CR1: variants seen among roughly 807,000 people sequenced by gnomAD.
The protein encoded by CR1 is complement receptor type 1.
Under a neutral mutation model 187.3 loss-of-function variants are expected in CR1, and 116 were observed. The observed-to-expected ratio is 0.62, with a 90% CI of 0.53 to 0.72. The LOEUF (loss-of-function observed/expected upper bound fraction) is 0.72. Among genes scored for constraint, CR1 ranks in the 30% least tolerant of loss-of-function variants. The pLI, the probability that CR1 is intolerant of heterozygous loss-of-function variation, is 0.00. For synonymous variants in CR1, 576 were observed against 747.1 expected, an observed-to-expected ratio of 0.77 and a Z score of 3.73; for missense variants, 1,731 against 2,110.7, an observed-to-expected ratio of 0.82 and a Z score of 3.52.
intron 45 of CR1, among the ~76,000 whole-genome samples, chr1:207,627,303 C>G (rs1196906297): frequency 6.6e-6 from 1 of 152,114 alleles, no homozygotes; most frequent in Non-Finnish European, 1.5e-5. Context: ...TTCTCTCTCT[C>G]CCTCCATGAA....
intron 42 of CR1, among the ~76,000 whole-genome samples, chr1:207,619,051 A>AAAAAAAAAAGAAAAG (rs1553301635): frequency 2.0e-5 from 1 of 50,360 alleles, no homozygotes; most frequent in Admixed American, 2.7e-4. Flanking sequence ...AAAAAAAAAA[A>AAAAAAAAAAGAAAAG]AAAAGAAAAG....
At chr1:207,627,796 T>C (rs987294003) in intron 45 of CR1, among the ~76,000 whole-genome samples, 8 of 152,204 alleles carry the variant, frequency 5.3e-5, no homozygotes, top group African/African-American at 1.9e-4. Context: ...CTCATAGTTC[T>C]AGTGGGTAGA....
At chr1:207,584,207 A>G (rs116145400) in intron 32 of CR1, among the ~76,000 whole-genome samples, 3,297 of 152,300 alleles carry the variant, frequency 0.022, 68 homozygotes, top group Non-Finnish European at 0.029. Flanking sequence ...AATGTATAAT[A>G]TATTTTAGAA....
At chr1:207,575,500 C>G (rs753663472) in intron 27 of CR1, 95 bp from the exon 28 acceptor site, 1 of 1,507,816 alleles carries the variant, frequency 6.6e-7, no homozygotes, top group African/African-American at 1.4e-5. Context: ...TAGACTTCTC[C>G]TGCATTGTAA....
At chr1:207,498,493 G>A (rs1659158248) in intron 1 of CR1, among the ~76,000 whole-genome samples, 2 of 152,186 alleles carry the variant, frequency 1.3e-5, no homozygotes, top group Non-Finnish European at 2.9e-5. Flanking sequence ...TATTGCAAAT[G>A]TAGGACAACC....
chr1:207,578,444 T>C (rs1298406829), intron 29 of CR1, among the ~76,000 whole-genome samples: 1 of 152,236 alleles, frequency 6.6e-6, no homozygotes, highest in Admixed American at 6.5e-5. Context: ...ACCTATTATT[T>C]GATTCTCAGG....
At chr1:207,608,523 C>A (rs1049520638) in intron 36 of CR1, among the ~76,000 whole-genome samples, 1 of 152,046 alleles carries the variant, frequency 6.6e-6, no homozygotes, top group African/African-American at 2.4e-5. Flanking sequence ...TTCTTCCCCC[C>A]CAAATTAACA....
intron 27 of CR1, among the ~76,000 whole-genome samples, chr1:207,575,320 C>T (rs73078619): frequency 0.032 from 4,857 of 152,056 alleles, 260 homozygotes; most frequent in African/African-American, 0.11. Flanking sequence ...AACTGGTCTA[C>T]AAAATAATTG....
chr1:207,606,205 G>A (rs1265169469), intron 35 of CR1, among the ~76,000 whole-genome samples: 1 of 152,176 alleles, frequency 6.6e-6, no homozygotes, highest in East Asian at 1.9e-4. Context: ...GAGGACACAG[G>A]GAAGAAGGGA....
At chr1:207,513,141 T>C (rs1410343235) in intron 4 of CR1, among the ~76,000 whole-genome samples, 1 of 152,246 alleles carries the variant, frequency 6.6e-6, no homozygotes, top group Non-Finnish European at 1.5e-5. Context: ...AGTAACACTT[T>C]AGTCGGCTAT....
chr1:207,598,052 T>C (rs1661497990), intron 35 of CR1, among the ~76,000 whole-genome samples: 1 of 152,208 alleles, frequency 6.6e-6, no homozygotes, highest in East Asian at 1.9e-4. Flanking sequence ...AGAAAATTTA[T>C]TGGACTAAAA....
intron 46 of CR1, among the ~76,000 whole-genome samples, chr1:207,632,796 TCA>T (rs1662687549): frequency 5.3e-5 from 2 of 37,622 alleles, no homozygotes; most frequent in African/African-American, 3.4e-4. Context: ...AGACTCCGTC[TCA>T]AAAAAAAAAA....
chr1:207,637,871 G>A (rs1229534047), intron 46 of CR1, among the ~76,000 whole-genome samples: 1 of 152,140 alleles, frequency 6.6e-6, no homozygotes, highest in Non-Finnish European at 1.5e-5. Flanking sequence ...ACAGGAAGCT[G>A]ATTTTCTCCT....
intron 35 of CR1, among the ~76,000 whole-genome samples, chr1:207,599,347 G>C (rs889197986): frequency 6.6e-6 from 1 of 152,150 alleles, no homozygotes; most frequent in African/African-American, 2.4e-5. Flanking sequence ...TTAAAAGACG[G>C]AAGTAGAGGT....
intron 35 of CR1, among the ~76,000 whole-genome samples, chr1:207,603,153 A>AAT (rs1661653009): frequency 6.6e-6 from 1 of 152,128 alleles, no homozygotes; most frequent in African/African-American, 2.4e-5. Context: ...CCACCAACAG[A>AAT]ATATTCTGAG....
In CR1 at chr1:207,587,575, C is replaced by G. The variant is rs1278555561; in HGVS notation, c.5710+10C>G. 2 of 1,610,302 alleles carry G rather than the reference C, an allele frequency of 1.2e-6. No homozygotes were observed. The highest frequency in any genetic ancestry group is 3.3e-5 in the Admixed American group (2 of 59,720). ...GAAGACAACTGTAGACGTGAGTAACCCCTCCCTGGGAACTACTTCATGTCT... is the reference window on the plus strand; with the variant it reads ...GAAGACAACTGTAGACGTGAGTAACGCCTCCCTGGGAACTACTTCATGTCT... On this transcript the variant is annotated intron_variant, in intron 34 of 46. Transcript: ENST00000367049.
intron 4 of CR1, among the ~76,000 whole-genome samples, chr1:207,518,234 C>T (rs1659864295): frequency 6.6e-6 from 1 of 152,120 alleles, no homozygotes; most frequent in Admixed American, 6.6e-5. Context: ...TGCTTAATTT[C>T]TAAATATTTA....
chr1:207,591,265 T>A (rs917791851), intron 35 of CR1, among the ~76,000 whole-genome samples: 5 of 152,162 alleles, frequency 3.3e-5, no homozygotes, highest in Non-Finnish European at 7.3e-5. Flanking sequence ...CAGACCACAG[T>A]ACAATCAAAT....
At chr1:207,593,316 C>T (rs532770256) in intron 35 of CR1, among the ~76,000 whole-genome samples, 59 of 152,186 alleles carry the variant, frequency 3.9e-4, no homozygotes, top group Admixed American at 7.2e-4. Context: ...CATCTACAAC[C>T]ATCTGATCTT....
Sources: gnomAD v4.1 joint callset for allele counts (sites outside exome capture counted in the v4.1 genomes callset) on GRCh38, gnomAD v4.1.1 for gene constraint, MANE v1.5 for transcripts, NCBI Gene and HGNC (gene_info 2026-07-23, HGNC 2026-07-21) for gene names.